Variants in DTNA observed in about 807,000 individuals in gnomAD.
DTNA encodes the protein dystrophin-related protein 3.
In DTNA, 43 loss-of-function variants were observed where a neutral mutation model predicts 100.7. The observed-to-expected ratio is 0.43, with a 90% CI of 0.33 to 0.55. The LOEUF is 0.55. Ranked by LOEUF, DTNA falls within the 20% of genes least tolerant of loss-of-function variation. DTNA has a pLI of 0.04. For synonymous variants in DTNA, 349 were observed against 347.9 expected (o/e 1.00, Z -0.04); for missense variants, 798 against 953.9 (o/e 0.84, Z 2.15).
At chr18:34,656,387 T>C (rs1260003196) in intron 1 of DTNA, among the ~76,000 whole-genome samples, 2 of 152,224 alleles carry the variant, frequency 1.3e-5, no homozygotes, top group Non-Finnish European at 1.5e-5. Flanking sequence ...ATTAGAAGAA[T>C]AGAAGGGTTC....
intron 1 of DTNA, among the ~76,000 whole-genome samples, chr18:34,518,096 T>G (rs184437050): frequency 1.2e-4 from 19 of 152,332 alleles, no homozygotes; most frequent in Admixed American, 3.9e-4. Flanking sequence ...GCATTTAATG[T>G]TAACACTATG....
intron 1 of DTNA, among the ~76,000 whole-genome samples, chr18:34,670,000 T>A (rs1314975556): frequency 5.3e-5 from 8 of 152,248 alleles, no homozygotes; most frequent in Non-Finnish European, 7.3e-5. Context: ...GAAGTTCTCC[T>A]GGATAATATC....
intron 2 of DTNA, among the ~76,000 whole-genome samples, chr18:34,761,157 C>T (rs77978138): frequency 0.78 from 117,321 of 150,932 alleles, 46,303 homozygotes; most frequent in East Asian, 0.96. Context: ...CACACACACA[C>T]ACACACACAC....
intron 1 of DTNA, among the ~76,000 whole-genome samples, chr18:34,582,150 T>C (rs2048713836): frequency 6.6e-6 from 1 of 152,186 alleles, no homozygotes; most frequent in African/African-American, 2.4e-5. Flanking sequence ...CTCTGCCTTC[T>C]CTTCCCATCC....
intron 1 of DTNA, among the ~76,000 whole-genome samples, chr18:34,553,222 GTTGT>G (rs752925887): frequency 0.019 from 2,867 of 151,964 alleles, 46 homozygotes; most frequent in Non-Finnish European, 0.027. Flanking sequence ...TTTTGATGGG[GTTGT>G]TTGTTTTTTT....
chr18:34,739,527 C>T (rs886076792), intron 1 of DTNA, among the ~76,000 whole-genome samples: 3 of 152,176 alleles, frequency 2.0e-5, no homozygotes, highest in South Asian at 2.1e-4. Flanking sequence ...CTTGAAAGGA[C>T]TTCTGTGGAC....
intron 11 of DTNA, among the ~76,000 whole-genome samples, chr18:34,834,283 G>GT (rs2096083952): frequency 6.6e-6 from 1 of 151,874 alleles, no homozygotes; most frequent in Admixed American, 6.6e-5. Context: ...ATCGCCTGAG[G>GT]TCAGGAGTTT....
chr18:34,725,062 G>T (rs2086285638), intron 1 of DTNA, among the ~76,000 whole-genome samples: 1 of 152,018 alleles, frequency 6.6e-6, no homozygotes. Context: ...ACTGAAACTG[G>T]ACCCTTTCTT....
chr18:34,536,916 A>G (rs1372984915), intron 1 of DTNA, among the ~76,000 whole-genome samples: 4 of 151,984 alleles, frequency 2.6e-5, no homozygotes, highest in Admixed American at 6.6e-5. Context: ...AAGAAACAGG[A>G]TACAGGTATC....
intron 1 of DTNA, among the ~76,000 whole-genome samples, chr18:34,742,956 A>G (rs764797501): frequency 1.3e-5 from 2 of 152,044 alleles, no homozygotes; most frequent in Non-Finnish European, 2.9e-5. Context: ...CTGAAAAAGA[A>G]GGCGCCTTCC....
At chr18:34,605,298 C>T (rs889000574) in intron 1 of DTNA, among the ~76,000 whole-genome samples, 7 of 151,948 alleles carry the variant, frequency 4.6e-5, no homozygotes, top group Admixed American at 4.6e-4. Flanking sequence ...AAAACAAAAA[C>T]TTATTTTGAA....
intron 1 of DTNA, among the ~76,000 whole-genome samples, chr18:34,597,023 C>A (rs1013910700): frequency 6.6e-6 from 1 of 152,114 alleles, no homozygotes; most frequent in East Asian, 1.9e-4. Context: ...CCCTGACAGG[C>A]CCCAGTGTGT....
chr18:34,620,245 A>G (rs2147835599), intron 1 of DTNA, among the ~76,000 whole-genome samples: 1 of 152,330 alleles, frequency 6.6e-6, no homozygotes, highest in African/African-American at 2.4e-5. Flanking sequence ...TATTTGGGAA[A>G]TTTGATGGTG....
intron 1 of DTNA, among the ~76,000 whole-genome samples, chr18:34,528,876 A>G (rs1329808113): frequency 6.6e-6 from 1 of 152,060 alleles, no homozygotes; most frequent in Non-Finnish European, 1.5e-5. Context: ...TTCACACCCA[A>G]TACCTAATTC....
At chr18:34,822,771 T>C (rs2095756559) in intron 9 of DTNA, among the ~76,000 whole-genome samples, 1 of 152,220 alleles carries the variant, frequency 6.6e-6, no homozygotes, top group Non-Finnish European at 1.5e-5. Flanking sequence ...TTGAATTAAC[T>C]GAGGGCTATA....
rs188794812 is a variant in DTNA at position 34,871,910 on chromosome 18, T to C, written c.1744-3329T>C. On this transcript the variant is annotated intron_variant, in intron 17 of 22. Transcript: ENST00000444659. ...TGGGAGTTGCCAGTTGTGGGAAAGA[T>C]GCAACTGATTATTCTCTTCAGCACA... 3.7e-4 allele frequency among the ~76,000 whole-genome samples: 56 copies of C among 152,348 alleles called. No individual in the cohort carries two copies. In the East Asian group the frequency reaches 0.01, roughly 28 times the overall value.
intron 2 of DTNA, among the ~76,000 whole-genome samples, chr18:34,761,514 G>A (rs1437709165): frequency 6.6e-6 from 1 of 152,114 alleles, no homozygotes; most frequent in Non-Finnish European, 1.5e-5. Context: ...GAGGGAGAGA[G>A]AGGGAAGTAG....
intron 16 of DTNA, among the ~76,000 whole-genome samples, chr18:34,863,364 G>T (rs1234754964): frequency 1.3e-5 from 2 of 152,144 alleles, no homozygotes; most frequent in African/African-American, 4.8e-5. Context: ...ATCTTCACTT[G>T]TTGAACAAGT....
chr18:34,670,517 G>A (rs1018514270), intron 1 of DTNA, among the ~76,000 whole-genome samples: 31 of 152,088 alleles, frequency 2.0e-4, no homozygotes, highest in South Asian at 6.2e-4. Context: ...AGAATTTTCC[G>A]TTTTTCTGTT....
Sources: allele counts gnomAD v4.1 joint callset (sites outside exome capture counted in the v4.1 genomes callset), GRCh38; gene constraint gnomAD v4.1.1; transcripts MANE v1.5; gene names NCBI Gene and HGNC (gene_info 2026-07-23, HGNC 2026-07-21).